MSI2: variants seen among roughly 807,000 people sequenced by gnomAD.
MSI2 encodes the protein musashi RNA binding protein 2, also known as RNA-binding protein Musashi homolog 2.
A neutral mutation model predicts 45.6 loss-of-function variants in MSI2; 17 were observed. That is an observed-to-expected ratio of 0.37 (90% CI 0.26 to 0.56). The LOEUF (loss-of-function observed/expected upper bound fraction) is 0.56, where lower values mean the gene tolerates loss of function less well. MSI2 is among the 20% of genes least tolerant of loss of function. The pLI, the probability that MSI2 is intolerant of heterozygous loss-of-function variation, is 0.77. For missense variants in MSI2, 293 were observed against 444.2 expected (o/e 0.66, Z 3.06); for synonymous variants, 156 against 158.2 (o/e 0.99, Z 0.11).
intron 6 of MSI2, among the ~76,000 whole-genome samples, chr17:57,476,888 A>C (rs1203997402): frequency 6.6e-6 from 1 of 152,092 alleles, no homozygotes; most frequent in Non-Finnish European, 1.5e-5. Context: ...CCCAGTCCCC[A>C]TGCCCCAACC....
intron 7 of MSI2, among the ~76,000 whole-genome samples, chr17:57,544,223 G>A (rs1241814482): frequency 2.6e-5 from 4 of 152,118 alleles, no homozygotes; most frequent in Admixed American, 1.3e-4. Flanking sequence ...CGCTATAAAG[G>A]ATCAAAATAG....
intron 8 of MSI2, among the ~76,000 whole-genome samples, chr17:57,615,622 G>GTTA (rs1567937640): frequency 6.6e-6 from 1 of 152,146 alleles, no homozygotes; most frequent in Non-Finnish European, 1.5e-5. Flanking sequence ...TGCTATTGTT[G>GTTA]TTATTATTCA....
chr17:57,536,395 A>G (rs112217844), intron 7 of MSI2, among the ~76,000 whole-genome samples: 6 of 152,244 alleles, frequency 3.9e-5, no homozygotes, highest in African/African-American at 1.4e-4. Flanking sequence ...AAAGTATGAT[A>G]AGGATGTGTA....
chr17:57,458,589 T>C lies in MSI2; in HGVS notation c.405+57118T>C, dbSNP rs141074629. On this transcript the variant is annotated intron_variant, in intron 6 of 13. Coordinates refer to ENST00000284073, the MANE Select transcript of MSI2 (RefSeq NM_138962.4). ...TCTTCAGGAGCACAAAGTCTCTGAC[T>C]GGGAACTGCTGGCTACATGGATGGA... Among the ~76,000 whole-genome samples, 616 of 152,296 alleles carry C rather than the reference T, an allele frequency of 4.0e-3. 11 individuals are homozygous for C. The highest frequency in any genetic ancestry group is 0.014 in the African/African-American group (580 of 41,562).
intron 5 of MSI2, among the ~76,000 whole-genome samples, chr17:57,310,333 T>TTA (rs1912282217): frequency 7.0e-6 from 1 of 143,542 alleles, no homozygotes; most frequent in East Asian, 2.0e-4. Context: ...GAAGGTTGTG[T>TTA]TATTTTTTTT....
At chr17:57,504,652 T>G (rs2086188170) in intron 6 of MSI2, among the ~76,000 whole-genome samples, 1 of 152,140 alleles carries the variant, frequency 6.6e-6, no homozygotes, top group Non-Finnish European at 1.5e-5. Flanking sequence ...AAAAAGTGGC[T>G]GGGCGCAGTG....
At position 57,529,046 on chromosome 17, in the gene MSI2, A is replaced by G. The variant is rs1048274057; in HGVS notation, c.406-630A>G. ...TATACTAACCTGGAAATTGTTTGCC[A>G]TATTGTAATGTTACAGGTTAACAAA... is the stretch of plus-strand genomic sequence containing the variant. On this transcript the variant is annotated intron_variant, in intron 6 of 13. Transcript: ENST00000284073. The surrounding 1 kb of genome is among the most constrained non-coding windows in gnomAD (Gnocchi z 5.3). Among the ~76,000 whole-genome samples, 4 of 152,208 alleles carry G rather than the reference A, an allele frequency of 2.6e-5. No homozygotes were observed. Among genetic ancestry groups the G allele is most frequent in the Non-Finnish European group, 5.9e-5 (4 of 68,036 alleles).
At chr17:57,325,313 G>T (rs376748861) in intron 5 of MSI2, among the ~76,000 whole-genome samples, 1 of 152,218 alleles carries the variant, frequency 6.6e-6, no homozygotes, top group Non-Finnish European at 1.5e-5. Context: ...GGAGGAAAGT[G>T]GGGGAGGGTG....
chr17:57,274,948 G>A (rs1280786472), intron 5 of MSI2, among the ~76,000 whole-genome samples: 2 of 152,234 alleles, frequency 1.3e-5, no homozygotes, highest in East Asian at 3.8e-4. Flanking sequence ...GGCACCAGGT[G>A]TATGATGAAT....
chr17:57,263,186 G>C (rs903828390), intron 5 of MSI2, among the ~76,000 whole-genome samples: 1 of 152,120 alleles, frequency 6.6e-6, no homozygotes, highest in Non-Finnish European at 1.5e-5. Flanking sequence ...TATAGAAAAA[G>C]TTGGTGATTG....
intron 6 of MSI2, among the ~76,000 whole-genome samples, chr17:57,496,824 C>T (rs2085989655): frequency 6.6e-6 from 1 of 152,218 alleles, no homozygotes; most frequent in Non-Finnish European, 1.5e-5. Flanking sequence ...TCATCCTCTT[C>T]TTACTATTTT....
chr17:57,298,348 C>CT (rs1473243394), intron 5 of MSI2, among the ~76,000 whole-genome samples: 4 of 152,164 alleles, frequency 2.6e-5, no homozygotes, highest in African/African-American at 9.7e-5. Flanking sequence ...TGAAAGGAAT[C>CT]TTTTTTTCTC....
At chr17:57,358,933 G>A (rs1217301847) in intron 5 of MSI2, among the ~76,000 whole-genome samples, 1 of 152,104 alleles carries the variant, frequency 6.6e-6, no homozygotes. Context: ...ATAGAGGGCT[G>A]TTCCTTATAC....
chr17:57,543,132 C>T (rs377307636), intron 7 of MSI2, among the ~76,000 whole-genome samples: 80 of 152,288 alleles, frequency 5.3e-4, no homozygotes, highest in African/African-American at 1.9e-3. Context: ...GGTGCAGGAG[C>T]CCTGTCTGGA....
At chr17:57,388,093 C>G (rs948797613) in intron 5 of MSI2, among the ~76,000 whole-genome samples, 2 of 152,196 alleles carry the variant, frequency 1.3e-5, no homozygotes, top group Non-Finnish European at 2.9e-5. Context: ...ATCTTCAAAT[C>G]TGATGCTCTT....
rs139854676 is a variant in MSI2 at position 57,470,091 on chromosome 17, A to T, written c.406-59585A>T. ...AAGCCCTTCCCCCACCCCAAGGCTGACTGCGGGCCTGTCAGGTGCTGTCCT... is the reference window on the plus strand; with the variant it reads ...AAGCCCTTCCCCCACCCCAAGGCTGTCTGCGGGCCTGTCAGGTGCTGTCCT... On this transcript the variant is annotated intron_variant, in intron 6 of 13. Transcript: ENST00000284073. Among the ~76,000 whole-genome samples the T allele has an allele frequency of 3.9e-5, 6 of 152,128 alleles. No homozygotes were observed. In the East Asian group the frequency reaches 1.2e-3, roughly 29 times the overall value.
chr17:57,262,120 T>C (rs774744753), intron 4 of MSI2, 31 bp from the exon 5 acceptor site: 1 of 1,613,160 alleles, frequency 6.2e-7, no homozygotes, highest in South Asian at 1.1e-5. Flanking sequence ...AAGTACTTTA[T>C]TGACTCCTGC....
At chr17:57,532,538 T>A (rs2086842705) in intron 7 of MSI2, among the ~76,000 whole-genome samples, 1 of 152,146 alleles carries the variant, frequency 6.6e-6, no homozygotes, top group Non-Finnish European at 1.5e-5. Context: ...TTTTTGTTTT[T>A]CAAAAAGAAG....
chr17:57,513,136 G>A (rs1370297152), intron 6 of MSI2, among the ~76,000 whole-genome samples: 1 of 151,786 alleles, frequency 6.6e-6, no homozygotes, highest in African/African-American at 2.4e-5. Flanking sequence ...ACCACTGCTG[G>A]CTAATTTTTG....
Sources: gnomAD v4.1 joint callset for allele counts (sites outside exome capture counted in the v4.1 genomes callset) on GRCh38, gnomAD v4.1.1 for gene constraint, Gnocchi (gnomAD v3.1) non-coding constraint, MANE v1.5 for transcripts, NCBI Gene and HGNC (gene_info 2026-07-23, HGNC 2026-07-21) for gene names.